The following TYMS variants were observed in gnomAD, a reference collection of about 807,000 sequenced individuals.
The protein encoded by TYMS is thymidylate synthetase.
Under a neutral mutation model 39.3 loss-of-function variants are expected in TYMS, and 21 were observed. The observed-to-expected ratio is 0.54, with a 90% CI of 0.38 to 0.77. The LOEUF is 0.77. TYMS is among the 30% of genes least tolerant of loss of function. The probability of loss-of-function intolerance (pLI) is 0.00; values close to 1 mark genes in which losing one functional copy is unlikely to be tolerated. For synonymous variants in TYMS, 171 were observed against 162.2 expected, an observed-to-expected ratio of 1.05 and a Z score of -0.41; for missense variants, 273 against 406.7, an observed-to-expected ratio of 0.67 and a Z score of 2.83.
Position 658,364 on chromosome 18 carries a change from CT to C in TYMS, c.205+419del. The C allele has an allele frequency of 7.8e-7, 1 of 1,289,170 alleles. No homozygotes were observed. The highest frequency in any genetic ancestry group is 1.0e-6 in the Non-Finnish European group (1 of 989,406). 79.9% of individuals were successfully genotyped at this position (1,289,170 alleles called of 1,614,324 possible). ...CCGTTTTCCCCTGTGGACCATTCCG[CT>C]TCGCAGCGTTTTCAAAAACTGGAGC... On this transcript the variant is annotated intron_variant, in intron 1 of 6. Transcript: ENST00000323274. The surrounding 1 kb of genome is among the most constrained non-coding windows in gnomAD (Gnocchi z 4.5).
chr18:662,723 T>G (rs2074770074), intron 3 of TYMS, among the ~76,000 whole-genome samples: 1 of 151,760 alleles, frequency 6.6e-6, no homozygotes, highest in African/African-American at 2.4e-5. Flanking sequence ...GTCCATATGT[T>G]CTCGTTGTTC....
In TYMS at chr18:657,681, ACTTGGCCTGCCTCCGTCCCGCC is replaced by A; in HGVS notation, c.-61_-40del. On this transcript the variant is annotated 5_prime_UTR_variant, in exon 1 of 7. Coordinates refer to ENST00000323274, the MANE Select transcript of TYMS (RefSeq NM_001071.4). Reference sequence around the variant, plus strand: ...TGGCCTGCCTCCGTCCCGCCGCGCCACTTGGCCTGCCTCCGTCCCGCCGCGCCACTTCGCCTGCCTCCGTCCC... The same window carrying A: ...TGGCCTGCCTCCGTCCCGCCGCGCCAGCGCCACTTCGCCTGCCTCCGTCCC... 1 of 1,198,680 alleles carries A rather than the reference ACTTGGCCTGCCTCCGTCCCGCC, an allele frequency of 8.3e-7. No individual in the cohort carries two copies. The highest frequency in any genetic ancestry group is 1.1e-6 in the Non-Finnish European group (1 of 935,388). The allele number at this position is 1,198,680 out of a possible 1,614,324, so 74.3% of individuals were successfully genotyped here.
At position 664,021 on chromosome 18, in the gene TYMS, A is replaced by T. The variant is rs1167261030; in HGVS notation, c.454+1701A>T. Among the ~76,000 whole-genome samples, 7 of 107,102 alleles carry T rather than the reference A, an allele frequency of 6.5e-5. 1 individual carries two copies. In the South Asian group the frequency reaches 2.1e-3, roughly 32 times the overall value. 70.3% of individuals were successfully genotyped at this position (107,102 alleles called of 152,430 possible). ...GTGGGCTCTTTTTTGGTTCCATATG[A>T]ACTTTAAAGTAGTTTTTTCCAATTC... is the stretch of plus-strand genomic sequence containing the variant. On this transcript the variant is annotated intron_variant, in intron 3 of 6. Transcript: ENST00000323274.
rs1431198364 is a variant in TYMS, at chr18:666,087, G to A, written c.455-2985G>A. ...GGTATCCTTGTTAACTTTCTGTCTC[G>A]TTGATCTGTCTAATGTTGACAGTGG... On this transcript the variant is annotated intron_variant, in intron 3 of 6. Coordinates refer to ENST00000323274, the MANE Select transcript of TYMS (RefSeq NM_001071.4). Among the ~76,000 whole-genome samples, 9 of 105,382 alleles carry A rather than the reference G, an allele frequency of 8.5e-5. 1 individual carries two copies. The highest frequency in any genetic ancestry group is 1.4e-4 in the Non-Finnish European group (8 of 55,574). 69.1% of individuals were successfully genotyped at this position (105,382 alleles called of 152,430 possible).
At chr18:659,340 G>A (rs2074732305) in intron 1 of TYMS, among the ~76,000 whole-genome samples, 1 of 152,190 alleles carries the variant, frequency 6.6e-6, no homozygotes. Context: ...CTAGTGGGCA[G>A]TGGATGATAG....
At position 669,119 on chromosome 18, in the gene TYMS, A is replaced by G; in HGVS notation, c.502A>G (p.Ile168Val). The change falls in exon 4 of 7, where the codon ATC becomes GTC. Residue 168 changes from isoleucine to valine, a missense_variant. Ile to Val is a conservative substitution (Grantham distance 29). This residue lies in a region of TYMS where 228 missense variants were observed against 326.1 expected (regional missense o/e 0.70). Transcript: ENST00000323274. ...VDQLQRVIDT[I>V]KTNPDDRRII... ...CCAACTGCAAAGAGTGATTGACACC[A>G]TCAAAACCAACCCTGACGACAGAAG... The G allele has an allele frequency of 1.9e-6, 3 of 1,614,232 alleles. No individual in the cohort carries two copies. Among genetic ancestry groups the G allele is most frequent in the Non-Finnish European group, 1.7e-6 (2 of 1,180,040 alleles).
chr18:665,564 A>G (rs1296206662), intron 3 of TYMS, among the ~76,000 whole-genome samples: 1 of 116,180 alleles, frequency 8.6e-6, no homozygotes, highest in Non-Finnish European at 1.7e-5. Context: ...TAGCTTTTGA[A>G]TGTGTTTGCT....
chr18:663,874 A>C (rs1432296568), intron 3 of TYMS, among the ~76,000 whole-genome samples: 1 of 110,382 alleles, frequency 9.1e-6, no homozygotes, highest in Non-Finnish European at 1.8e-5. Context: ...CCATTGATCT[A>C]TATGTCTGTT....
At chr18:664,759 G>A (rs2144279787) in intron 3 of TYMS, among the ~76,000 whole-genome samples, 1 of 150,406 alleles carries the variant, frequency 6.6e-6, no homozygotes, top group South Asian at 2.2e-4. Context: ...GGCCTTTTCT[G>A]CATCTATTGA....
At position 657,901 on chromosome 18, in the gene TYMS, C is replaced by T. The variant is rs770442090; in HGVS notation, c.159C>T (p.Thr53=). 3 of 1,513,320 alleles carry T rather than the reference C, an allele frequency of 2.0e-6. No individual in the cohort carries two copies. Among genetic ancestry groups the T allele is most frequent in the Non-Finnish European group, 2.6e-6 (3 of 1,136,572 alleles). 93.7% of individuals were successfully genotyped at this position (1,513,320 alleles called of 1,614,324 possible). The change falls in exon 1 of 7, where the codon ACC becomes ACT. Residue 53 remains threonine, a synonymous_variant. Coordinates refer to ENST00000323274, the MANE Select transcript of TYMS (RefSeq NM_001071.4). The stretch of plus-strand genomic sequence containing the variant: ...TCAGGAAGGACGACCGCACGGGCAC[C>T]GGCACCCTGTCGGTATTCGGCATGC... ...CGVRKDDRTG[T]GTLSVFGMQA...
chr18:667,640 C>G (rs972937721), intron 3 of TYMS: 5 of 151,664 alleles, frequency 3.3e-5, no homozygotes, highest in Admixed American at 3.3e-4. Context: ...GGTTGCCTAA[C>G]ATCAGGAACG....
Position 668,642 on chromosome 18 carries a change from A to AGAT in TYMS, c.455-429_455-427dup, listed in dbSNP as rs1252810174. 4.6e-5 allele frequency among the ~76,000 whole-genome samples: 7 copies of AGAT among 152,324 alleles called. No individual in the cohort carries two copies. In the East Asian group the frequency reaches 1.4e-3, roughly 29 times the overall value. On this transcript the variant is annotated intron_variant, in intron 3 of 6. Transcript: ENST00000323274. Reference sequence around the variant, plus strand: ...TATATGGAATACTATATTCTACATAAGATACAACACTCTCTGTGAGACAAG... The same window carrying AGAT: ...TATATGGAATACTATATTCTACATAAGATGATACAACACTCTCTGTGAGACAAG...
chr18:658,264 A>G lies in TYMS; in HGVS notation c.205+317A>G. On this transcript the variant is annotated intron_variant, in intron 1 of 6. Transcript: ENST00000323274. This position sits in a 1 kb window ranked among gnomAD's most constrained non-coding sequence, Gnocchi z 4.5. ...GGGCGTCATCGGGCAGCGTTTGCCC[A>G]GTGCTGGAGGGTTAGGGAGAGCTGC... 8.2e-6 allele frequency: 12 copies of G among 1,455,940 alleles called. No homozygotes were observed. The highest frequency in any genetic ancestry group is 2.4e-5 in the South Asian group (2 of 82,626). The allele number at this position is 1,455,940 out of a possible 1,614,324, so 90.2% of individuals were successfully genotyped here.
chr18:661,498 C>A (rs1357055885), intron 2 of TYMS, among the ~76,000 whole-genome samples: 2 of 152,228 alleles, frequency 1.3e-5, no homozygotes, highest in Admixed American at 6.5e-5. Context: ...TGGGGTATTA[C>A]ATATAGACAA....
intron 3 of TYMS, among the ~76,000 whole-genome samples, chr18:666,042 A>G (rs549224680): frequency 2.0e-5 from 2 of 98,096 alleles, no homozygotes; most frequent in Admixed American, 1.7e-4. Flanking sequence ...CGCTTAGTGC[A>G]GAGCTGAGTT....
Position 669,390 on chromosome 18 carries a change from T to G in TYMS, c.556+217T>G, listed in dbSNP as rs1324442999. On this transcript the variant is annotated intron_variant, in intron 4 of 6. Coordinates refer to ENST00000323274, the MANE Select transcript of TYMS (RefSeq NM_001071.4). ...GATTTTTTTTTTTTTTTTTTTTTTTTGAGACAGAGTTTTGCTCTGTTGCCC... is the reference window on the plus strand; with the variant it reads ...GATTTTTTTTTTTTTTTTTTTTTTTGGAGACAGAGTTTTGCTCTGTTGCCC... The G allele has an allele frequency of 4.1e-5, 17 of 419,550 alleles. No individual in the cohort carries two copies. In the East Asian group the frequency reaches 6.9e-4, roughly 17 times the overall value. The allele number at this position is 419,550 out of a possible 1,614,324, so 26.0% of individuals were successfully genotyped here. A position where few individuals can be genotyped will look rare whatever the true frequency, so the allele number is the denominator to read the frequency against.
intron 3 of TYMS, chr18:667,606 GTGA>G (rs1200333833): frequency 2.8e-5 from 3 of 105,644 alleles, no homozygotes; most frequent in African/African-American, 4.6e-5. Context: ...GATGGTGATG[GTGA>G]TGGAGATGGG....
rs775542398 is a variant in TYMS at position 659,725 on chromosome 18, C to G, written c.279+11C>G. The G allele has an allele frequency of 6.2e-7, 1 of 1,609,880 alleles. No individual in the cohort carries two copies. ...CTGTGGTTTATCAAGGTAAAGAAGT[C>G]GCTGCTATTAGAAGTCAGTAGTCTG... is the stretch of plus-strand genomic sequence containing the variant. On this transcript the variant is annotated intron_variant, in intron 2 of 6. Transcript: ENST00000323274.
intron 3 of TYMS, among the ~76,000 whole-genome samples, chr18:665,975 A>G (rs2074808428): frequency 1.0e-5 from 1 of 97,740 alleles, no homozygotes; most frequent in African/African-American, 6.7e-5. Flanking sequence ...GCGGTGCTGA[A>G]AAAAATGTAT....
Sources: allele counts gnomAD v4.1 joint callset (sites outside exome capture counted in the v4.1 genomes callset), GRCh38; gene constraint gnomAD v4.1.1; regional missense constraint gnomAD v4.1.1; non-coding constraint Gnocchi (gnomAD v3.1); transcripts MANE v1.5; gene names NCBI Gene and HGNC (gene_info 2026-07-23, HGNC 2026-07-21).